Variants in TPX2 observed in about 807,000 individuals in gnomAD.
TPX2 encodes targeting protein for Xklp2.
Under a neutral mutation model 93.6 loss-of-function variants are expected in TPX2, and 21 were observed. That is an observed-to-expected ratio of 0.22 (90% CI 0.16 to 0.32). The LOEUF is 0.32. Ranked by LOEUF, TPX2 falls within the 10% of genes least tolerant of loss-of-function variation. The pLI is 1.00. For missense variants in TPX2, 776 were observed against 871.1 expected, an observed-to-expected ratio of 0.89 and a Z score of 1.37; for synonymous variants, 281 against 298.3, an observed-to-expected ratio of 0.94 and a Z score of 0.60.
At chr20:31,748,960 T>C (rs910301183) in intron 2 of TPX2, among the ~76,000 whole-genome samples, 1 of 152,008 alleles carries the variant, frequency 6.6e-6, no homozygotes, top group African/African-American at 2.4e-5. Flanking sequence ...TTTTTTTTTT[T>C]TTTGAGACAG....
intron 2 of TPX2, among the ~76,000 whole-genome samples, chr20:31,751,743 AATT>A (rs1262815483): frequency 6.6e-6 from 1 of 152,070 alleles, no homozygotes; most frequent in African/African-American, 2.4e-5. Flanking sequence ...TTTATACAAT[AATT>A]ATTATTATTT....
At chr20:31,763,415 G>A (rs1432262662) in intron 4 of TPX2, among the ~76,000 whole-genome samples, 1 of 151,954 alleles carries the variant, frequency 6.6e-6, no homozygotes, top group East Asian at 1.9e-4. Flanking sequence ...CCTGACCTCA[G>A]GTGATCTACC....
chr20:31,776,315 C>T (rs2061999334), intron 8 of TPX2, among the ~76,000 whole-genome samples: 1 of 151,642 alleles, frequency 6.6e-6, no homozygotes, highest in Non-Finnish European at 1.5e-5. Context: ...CTCCTGACCT[C>T]ATGATCCACC....
chr20:31,782,194 A>G (rs2062037429), intron 10 of TPX2, 55 bp from the exon 11 acceptor site: 1 of 1,557,430 alleles, frequency 6.4e-7, no homozygotes, highest in Non-Finnish European at 8.7e-7. Context: ...ATCACCACTT[A>G]CAAGTAAACT....
At chr20:31,761,723 T>C (rs77054287) in intron 4 of TPX2, among the ~76,000 whole-genome samples, 4,650 of 152,310 alleles carry the variant, frequency 0.031, 201 homozygotes, top group African/African-American at 0.092. Flanking sequence ...GGAGTGCACA[T>C]AGATATCTCT....
At position 31,794,755 on chromosome 20, in the gene TPX2, A is replaced by AGTGTGTGTGT. The variant is rs35018680; in HGVS notation, c.1833+234_1833+243dup. Among the ~76,000 whole-genome samples, 598 of 145,490 alleles carry AGTGTGTGTGT rather than the reference A, an allele frequency of 4.1e-3. 6 individuals are homozygous for AGTGTGTGTGT. The highest frequency in any genetic ancestry group is 0.013 in the African/African-American group (508 of 39,500). ...AGGTTACATATGGTCTCTGTCGCAT[A>AGTGTGTGTGT]GTGTGTGTGTGTGTGTGTGTGTGTG... On this transcript the variant is annotated intron_variant, in intron 15 of 17. Coordinates refer to ENST00000300403, the MANE Select transcript of TPX2 (RefSeq NM_012112.5).
intron 12 of TPX2, among the ~76,000 whole-genome samples, chr20:31,790,307 C>G (rs912823902): frequency 2.0e-5 from 3 of 152,184 alleles, no homozygotes; most frequent in African/African-American, 7.2e-5. Context: ...CCTTGAGAGA[C>G]TGTAAATCCC....
At chr20:31,765,377 A>G (rs2061918836) in intron 4 of TPX2, among the ~76,000 whole-genome samples, 1 of 150,786 alleles carries the variant, frequency 6.6e-6, no homozygotes, top group East Asian at 1.9e-4. Context: ...GGCTAACAAT[A>G]CTTAGAGTTT....
At chr20:31,800,021 A>C (rs543632437) in intron 17 of TPX2, among the ~76,000 whole-genome samples, 1 of 151,538 alleles carries the variant, frequency 6.6e-6, no homozygotes, top group Non-Finnish European at 1.5e-5. Flanking sequence ...CCAAGGTGGG[A>C]GGATTGCGTG....
chr20:31,769,931 A>G (rs565961489), intron 5 of TPX2, among the ~76,000 whole-genome samples: 2 of 152,156 alleles, frequency 1.3e-5, no homozygotes, highest in South Asian at 2.1e-4. Flanking sequence ...CTAAGTATCT[A>G]GCACCACAGA....
At chr20:31,765,763 C>T (rs888362713) in intron 4 of TPX2, among the ~76,000 whole-genome samples, 9 of 152,168 alleles carry the variant, frequency 5.9e-5, no homozygotes, top group African/African-American at 2.2e-4. Flanking sequence ...TGTCACAACC[C>T]CTGAGCCACA....
At chr20:31,772,486 A>G (rs1294729656) in intron 7 of TPX2, among the ~76,000 whole-genome samples, 2 of 152,226 alleles carry the variant, frequency 1.3e-5, no homozygotes, top group African/African-American at 4.8e-5. Flanking sequence ...GAACAGTCAG[A>G]AAAATATACT....
At chr20:31,786,924 G>A (rs1277670305) in intron 12 of TPX2, among the ~76,000 whole-genome samples, 2 of 152,042 alleles carry the variant, frequency 1.3e-5, no homozygotes, top group Admixed American at 6.6e-5. Context: ...TACGATTTGC[G>A]GAATGGAAGT....
At chr20:31,765,236 T>C (rs1229373603) in intron 4 of TPX2, among the ~76,000 whole-genome samples, 2 of 151,374 alleles carry the variant, frequency 1.3e-5, no homozygotes, top group East Asian at 1.9e-4. Context: ...AATGAGAGGA[T>C]TGATTGAGGC....
intron 2 of TPX2, among the ~76,000 whole-genome samples, chr20:31,752,122 T>C (rs921040927): frequency 6.6e-6 from 1 of 152,184 alleles, no homozygotes; most frequent in Non-Finnish European, 1.5e-5. Flanking sequence ...AGGTATATAG[T>C]AGCTGATATT....
intron 15 of TPX2, among the ~76,000 whole-genome samples, 155 bp downstream of exon 15, chr20:31,794,703 C>T (rs1420028377): frequency 6.6e-6 from 1 of 151,268 alleles, no homozygotes; most frequent in African/African-American, 2.4e-5. Flanking sequence ...CTGTAAAGGG[C>T]CAGATAAGAA....
At chr20:31,756,046 A>G (rs1435352392) in intron 2 of TPX2, among the ~76,000 whole-genome samples, 6 of 152,190 alleles carry the variant, frequency 3.9e-5, no homozygotes, top group African/African-American at 1.4e-4. Context: ...TCGTCTTTAT[A>G]CTCAGAAATA....
rs2062170859 is a variant in TPX2, at chr20:31,801,327, T to C, written c.*247T>C. ...TCTCGATTAGACTCCATGTAGTTAC[T>C]TCCTTTAAACCATCAGCCGGCCTTT... On this transcript the variant is annotated 3_prime_UTR_variant, in exon 18 of 18. Transcript: ENST00000300403. 4.6e-6 allele frequency: 2 copies of C among 431,652 alleles called. No individual in the cohort carries two copies. Among genetic ancestry groups the C allele is most frequent in the East Asian group, 8.1e-5 (2 of 24,806 alleles). 26.7% of individuals were successfully genotyped at this position (431,652 alleles called of 1,614,324 possible). A position where few individuals can be genotyped will look rare whatever the true frequency, so the allele number is the denominator to read the frequency against.
chr20:31,753,937 A>C (rs1313934859), intron 2 of TPX2, among the ~76,000 whole-genome samples: 1 of 151,956 alleles, frequency 6.6e-6, no homozygotes, highest in East Asian at 1.9e-4. Flanking sequence ...GAGGGAAGAG[A>C]ATCGCTTGAA....
Sources: gnomAD v4.1 joint callset for allele counts (sites outside exome capture counted in the v4.1 genomes callset) on GRCh38, gnomAD v4.1.1 for gene constraint, MANE v1.5 for transcripts, NCBI Gene and HGNC (gene_info 2026-07-23, HGNC 2026-07-21) for gene names.